ANKRD11: variants seen among roughly 807,000 people sequenced by gnomAD.
ANKRD11 encodes the protein ankyrin repeat domain 11, also known as ankyrin repeat domain-containing protein 11.
ANKRD11 carries 17 observed loss-of-function variants against 195.7 expected under a neutral mutation model. That is an observed-to-expected ratio of 0.09 (90% CI 0.06 to 0.13). The LOEUF is 0.13. Among genes scored for constraint, ANKRD11 ranks in the 10% least tolerant of loss-of-function variants. The pLI, the probability that ANKRD11 is intolerant of heterozygous loss-of-function variation, is 1.00. For synonymous variants in ANKRD11, 1,953 were observed against 1,528.1 expected, an observed-to-expected ratio of 1.28 and a Z score of -6.49; for missense variants, 3,735 against 3,566.1, an observed-to-expected ratio of 1.05 and a Z score of -1.21.
chr16:89,293,555 G>A (rs1410029370), intron 4 of ANKRD11, among the ~76,000 whole-genome samples: 1 of 148,700 alleles, frequency 6.7e-6, no homozygotes, highest in Non-Finnish European at 1.5e-5. Flanking sequence ...GGGAGGAGCT[G>A]GGGCGGTATT....
chr16:89,456,957 CTTT>C (rs56161810), intron 1 of ANKRD11, among the ~76,000 whole-genome samples: 12 of 138,264 alleles, frequency 8.7e-5, no homozygotes, highest in African/African-American at 2.7e-4. Flanking sequence ...TTATGTGAGT[CTTT>C]TTTTTTTTTT....
At chr16:89,410,609 GT>G (rs1267894244) in intron 2 of ANKRD11, among the ~76,000 whole-genome samples, 1 of 152,210 alleles carries the variant, frequency 6.6e-6, no homozygotes, top group Non-Finnish European at 1.5e-5. Context: ...CCCTAAAGCA[GT>G]TGCTATCCTG....
Position 89,288,637 on chromosome 16 carries a change from C to T in ANKRD11, c.635G>A (p.Gly212Asp), listed in dbSNP as rs1003387305. The T allele has an allele frequency of 1.2e-6, 2 of 1,614,136 alleles. No individual in the cohort carries two copies. Among genetic ancestry groups the T allele is most frequent in the Non-Finnish European group, 1.7e-6 (2 of 1,180,046 alleles). ...WTALHEACNR[G>D]YYDVAKQLLA... ...CAGCTGCTTCGCGACGTCGTAGTAGCCCCGGTTACAGGCCTCGTGCAGCGC... is the reference window on the plus strand; with the variant it reads ...CAGCTGCTTCGCGACGTCGTAGTAGTCCCGGTTACAGGCCTCGTGCAGCGC... The change falls in exon 7 of 13, where the codon GGC becomes GAC. Residue 212 changes from glycine (G) to aspartate (D), a missense_variant. Transcript: ENST00000301030.
rs111249930 is a variant in ANKRD11, at chr16:89,361,437, C to G, written c.-59-44359G>C. On this transcript the variant is annotated intron_variant, in intron 2 of 12. Coordinates refer to ENST00000301030, the MANE Select transcript of ANKRD11 (RefSeq NM_013275.6). ...CAGGCCAGGTGACTGTCTTCATCAT[C>G]ATTCAACTTTGAAACTTAGGGTTTG... 5.9e-3 allele frequency: 900 copies of G among 152,408 alleles called. 6 individuals carry two copies. Among genetic ancestry groups the G allele is most frequent in the South Asian group, 0.03 (146 of 4,830 alleles). 9.4% of individuals were successfully genotyped at this position (152,408 alleles called of 1,614,324 possible). A position where few individuals can be genotyped will look rare whatever the true frequency, so the allele number is the denominator to read the frequency against.
intron 2 of ANKRD11, among the ~76,000 whole-genome samples, chr16:89,335,086 C>A (rs1039459262): frequency 6.6e-6 from 1 of 152,190 alleles, no homozygotes; most frequent in Non-Finnish European, 1.5e-5. Flanking sequence ...AAACGACTAA[C>A]ACTGATTGCT....
At position 89,271,545 on chromosome 16, in the gene ANKRD11, C is replaced by T. The variant is rs538901235; in HGVS notation, c.7714-636G>A. ...GGGTTCATGGTGAAGCTGACAATGC[C>T]GTCTGTTTCTCAGAACATGTGGAGC... On this transcript the variant is annotated intron_variant, in intron 11 of 12. Coordinates refer to ENST00000301030, the MANE Select transcript of ANKRD11 (RefSeq NM_013275.6). The T allele has an allele frequency of 1.9e-4, 30 of 160,252 alleles. 1 individual carries two copies. The South Asian group carries it at 3.4e-3, about 18-fold the overall frequency. 9.9% of individuals were successfully genotyped at this position (160,252 alleles called of 1,614,324 possible).
chr16:89,354,095 T>TC (rs1161360080), intron 2 of ANKRD11, among the ~76,000 whole-genome samples: 1 of 152,100 alleles, frequency 6.6e-6, no homozygotes, highest in African/African-American at 2.4e-5. Flanking sequence ...TGCCTGGCAC[T>TC]CCCTCAGGTG....
intron 2 of ANKRD11, among the ~76,000 whole-genome samples, chr16:89,337,522 C>T (rs931452905): frequency 7.1e-6 from 1 of 141,702 alleles, no homozygotes; most frequent in Non-Finnish European, 1.5e-5. Context: ...CTACAAGCTC[C>T]GCCTCCCGGG....
chr16:89,330,731 C>A (rs1471562841), intron 2 of ANKRD11, among the ~76,000 whole-genome samples: 2 of 147,492 alleles, frequency 1.4e-5, no homozygotes, highest in Non-Finnish European at 3.0e-5. Context: ...GGCTTCACTT[C>A]CACCTCATCC....
chr16:89,359,053 T>G (rs1304700845), intron 2 of ANKRD11, among the ~76,000 whole-genome samples: 2 of 152,136 alleles, frequency 1.3e-5, no homozygotes, highest in Non-Finnish European at 2.9e-5. Context: ...ATCGTCAGTA[T>G]TAAACACTGA....
chr16:89,398,534 C>A (rs562608912), intron 2 of ANKRD11, among the ~76,000 whole-genome samples: 2 of 152,128 alleles, frequency 1.3e-5, no homozygotes, highest in African/African-American at 4.8e-5. Flanking sequence ...CTGGGCAACA[C>A]AGGGAGACCC....
intron 1 of ANKRD11, among the ~76,000 whole-genome samples, chr16:89,461,889 T>G (rs1333143767): frequency 6.6e-6 from 1 of 152,188 alleles, no homozygotes; most frequent in Non-Finnish European, 1.5e-5. Context: ...ACTCTGACAC[T>G]GCCCTCTCCC....
intron 1 of ANKRD11, among the ~76,000 whole-genome samples, chr16:89,457,711 G>A (rs1001905661): frequency 6.6e-6 from 1 of 152,122 alleles, no homozygotes; most frequent in Non-Finnish European, 1.5e-5. Flanking sequence ...TTACAAATGG[G>A]CATTCTGCGG....
At chr16:89,415,954 C>T (rs1297822700) in intron 2 of ANKRD11, among the ~76,000 whole-genome samples, 1 of 151,970 alleles carries the variant, frequency 6.6e-6, no homozygotes, top group Non-Finnish European at 1.5e-5. Context: ...TCAGCAGGGC[C>T]TCTCTGTAGC....
At chr16:89,297,755 G>A (rs1597511388) in intron 4 of ANKRD11, 1 of 152,252 alleles carries the variant, frequency 6.6e-6, no homozygotes, top group Non-Finnish European at 1.5e-5. Flanking sequence ...CTTGTGGTGA[G>A]ACTGGCTTCT....
chr16:89,477,698 C>G (rs1452880754), intron 1 of ANKRD11, among the ~76,000 whole-genome samples: 1 of 150,572 alleles, frequency 6.6e-6, no homozygotes, highest in Non-Finnish European at 1.5e-5. Flanking sequence ...AGAGGCCGGG[C>G]GCGGTGGCTC....
chr16:89,351,800 T>A (rs1406019654), intron 2 of ANKRD11, among the ~76,000 whole-genome samples: 1 of 152,210 alleles, frequency 6.6e-6, no homozygotes, highest in East Asian at 1.9e-4. Context: ...GACAGCAATG[T>A]TCTAGAACTG....
chr16:89,415,829 C>CAAAAAAAAAAA lies in ANKRD11; in HGVS notation c.-60+2444_-60+2454dup, dbSNP rs71134220. On this transcript the variant is annotated intron_variant, in intron 2 of 12. Transcript: ENST00000301030. The stretch of plus-strand genomic sequence containing the variant: ...TGCACAACAAAGCTAGACTCTGTCT[C>CAAAAAAAAAAA]AAAAAAAAAAAAAAAAAAAAACAAT... Among the ~76,000 whole-genome samples the CAAAAAAAAAAA allele has an allele frequency of 9.6e-3, 380 of 39,680 alleles. 18 individuals are homozygous for CAAAAAAAAAAA. The highest frequency in any genetic ancestry group is 0.016 in the African/African-American group (172 of 10,766). The allele number at this position is 39,680 out of a possible 152,430, so 26.0% of individuals were successfully genotyped here.
chr16:89,323,362 C>G, intron 2 of ANKRD11: 3 of 1,287,142 alleles, frequency 2.3e-6, no homozygotes, highest in Non-Finnish European at 3.0e-6. Flanking sequence ...ACTGGCCTCT[C>G]ACCTCTCACC....
Sources: gnomAD v4.1 joint callset for allele counts (sites outside exome capture counted in the v4.1 genomes callset) on GRCh38, gnomAD v4.1.1 for gene constraint, MANE v1.5 for transcripts, NCBI Gene and HGNC (gene_info 2026-07-23, HGNC 2026-07-21) for gene names.